Variants in PCDH9 observed in about 807,000 individuals in gnomAD.
The protein encoded by PCDH9 is protocadherin-9.
In PCDH9, 24 loss-of-function variants were observed where a neutral mutation model predicts 70.6. That is an observed-to-expected ratio of 0.34 (90% confidence interval 0.25 to 0.48). The LOEUF (loss-of-function observed/expected upper bound fraction) is 0.48. Ranked by LOEUF, PCDH9 falls within the 20% of genes least tolerant of loss-of-function variation. The probability of loss-of-function intolerance (pLI) is 0.99; values close to 1 mark genes in which losing one functional copy is unlikely to be tolerated. For missense variants in PCDH9, 1,281 were observed against 1,503.6 expected (o/e 0.85, Z 2.45); for synonymous variants, 562 against 558.5 (o/e 1.01, Z -0.09).
rs1164239967 is a variant in PCDH9 at position 67,225,695 on chromosome 13, C to T, written c.2746G>A (p.Gly916Arg). Reference protein sequence around the residue: ...LPAELEEQSIGRFDWGPAPPT... With the variant: ...LPAELEEQSIRRFDWGPAPPT... Reference sequence around the variant, plus strand: ...GGTGCCGGGCCCCAGTCAAATCTTCCTATACTTTGCTCCTCCAGTTCAGCC... The same window carrying T: ...GGTGCCGGGCCCCAGTCAAATCTTCTTATACTTTGCTCCTCCAGTTCAGCC... Residue 916 changes from glycine (G) to arginine (R), a missense_variant, in exon 2 of 5, where the codon GGA becomes AGA. Around this residue, in one of 4 missense-constraint regions of PCDH9, gnomAD observed 207 missense variants for 191.8 expected, o/e 1.08. Transcript: ENST00000377865. The T allele has an allele frequency of 1.2e-6, 2 of 1,614,190 alleles. No individual in the cohort carries two copies. The highest frequency in any genetic ancestry group is 1.7e-6 in the Non-Finnish European group (2 of 1,180,028).
intron 3 of PCDH9, among the ~76,000 whole-genome samples, chr13:66,665,954 A>T (rs945334593): frequency 6.6e-6 from 1 of 152,180 alleles, no homozygotes; most frequent in Non-Finnish European, 1.5e-5. Context: ...GCCTCAAATA[A>T]TCAAGCCAAA....
intron 3 of PCDH9, among the ~76,000 whole-genome samples, chr13:66,776,613 C>A (rs571453423): frequency 1.9e-4 from 29 of 152,240 alleles, no homozygotes; most frequent in African/African-American, 6.7e-4. Context: ...TAAACCACTG[C>A]TCAATGATAT....
At chr13:66,784,594 A>C (rs777683591) in intron 3 of PCDH9, among the ~76,000 whole-genome samples, 1 of 152,164 alleles carries the variant, frequency 6.6e-6, no homozygotes. Flanking sequence ...TCTATTCCTT[A>C]CTGACAGAGT....
chr13:67,170,697 G>A (rs1046918291), intron 2 of PCDH9, among the ~76,000 whole-genome samples: 5 of 152,114 alleles, frequency 3.3e-5, no homozygotes, highest in South Asian at 2.1e-4. Context: ...GGTCGAGGCC[G>A]GCGGAATGCT....
At chr13:67,167,520 C>T (rs2088152785) in intron 2 of PCDH9, among the ~76,000 whole-genome samples, 1 of 152,006 alleles carries the variant, frequency 6.6e-6, no homozygotes. Context: ...TTTCCTTAAC[C>T]ATAGAAAAGC....
chr13:66,856,996 A>G (rs2081405749), intron 3 of PCDH9, among the ~76,000 whole-genome samples: 1 of 152,116 alleles, frequency 6.6e-6, no homozygotes. Context: ...AGTATAAGGA[A>G]TCTGTCAGTC....
At chr13:66,828,487 A>G (rs1042230247) in intron 3 of PCDH9, among the ~76,000 whole-genome samples, 11 of 152,162 alleles carry the variant, frequency 7.2e-5, no homozygotes, top group African/African-American at 2.7e-4. Context: ...TAATTGTGTC[A>G]CTTAATTGAC....
At chr13:66,969,655 C>A (rs2083485606) in intron 2 of PCDH9, among the ~76,000 whole-genome samples, 1 of 151,968 alleles carries the variant, frequency 6.6e-6, no homozygotes, top group East Asian at 1.9e-4. Flanking sequence ...TCACTTTATA[C>A]TATTTGTTAC....
In PCDH9 at chr13:66,933,584, C is replaced by A. The variant is rs943117607; in HGVS notation, c.3037-29979G>T. 3.0e-4 allele frequency among the ~76,000 whole-genome samples: 45 copies of A among 152,088 alleles called. 1 individual carries two copies. Among genetic ancestry groups the A allele is most frequent in the Non-Finnish European group, 3.2e-4 (22 of 67,990 alleles). On this transcript the variant is annotated intron_variant, in intron 2 of 4. Coordinates refer to ENST00000377865, the MANE Select transcript of PCDH9 (RefSeq NM_203487.3). Reference sequence around the variant, plus strand: ...TAAGAATGTCCTAGTTGGTTCATAGCTTAGATTTATAAAAGTACCTTAGTC... The same window carrying A: ...TAAGAATGTCCTAGTTGGTTCATAGATTAGATTTATAAAAGTACCTTAGTC...
chr13:66,687,061 C>A (rs2078413945), intron 3 of PCDH9, among the ~76,000 whole-genome samples: 1 of 152,028 alleles, frequency 6.6e-6, no homozygotes, highest in Admixed American at 6.6e-5. Context: ...GCAAAGTAAA[C>A]TACAAGTGAC....
chr13:67,215,224 A>G (rs183555940), intron 2 of PCDH9: 2 of 151,928 alleles, frequency 1.3e-5, no homozygotes, highest in Admixed American at 6.6e-5. Context: ...ATGTGTAACT[A>G]TTCTATAAGT....
intron 2 of PCDH9, among the ~76,000 whole-genome samples, chr13:67,052,162 G>C (rs1320399811): frequency 1.3e-5 from 2 of 152,070 alleles, no homozygotes; most frequent in Non-Finnish European, 2.9e-5. Context: ...AACTCTGGGA[G>C]ATATCAATAA....
At chr13:67,133,566 C>A (rs1275060912) in intron 2 of PCDH9, among the ~76,000 whole-genome samples, 1 of 152,040 alleles carries the variant, frequency 6.6e-6, no homozygotes, top group African/African-American at 2.4e-5. Context: ...GAGAAAAAGA[C>A]AACCTCTTTT....
chr13:66,344,531 A>C (rs1050971929), intron 4 of PCDH9, among the ~76,000 whole-genome samples: 19 of 152,330 alleles, frequency 1.2e-4, no homozygotes, highest in African/African-American at 4.1e-4. Context: ...ATATTGGATA[A>C]TGAAAAAGTA....
At chr13:66,610,817 T>C (rs2077285387) in intron 4 of PCDH9, among the ~76,000 whole-genome samples, 1 of 152,186 alleles carries the variant, frequency 6.6e-6, no homozygotes, top group Non-Finnish European at 1.5e-5. Context: ...GAAGCACCAC[T>C]CCTCCTGTGA....
chr13:66,713,621 GTGTGTATATATA>G (rs2078825453), intron 3 of PCDH9, among the ~76,000 whole-genome samples: 1 of 16,886 alleles, frequency 5.9e-5, no homozygotes, highest in South Asian at 3.1e-3. Flanking sequence ...AAGTGTGTGT[GTGTGTATATATA>G]TATATATATA....
intron 4 of PCDH9, among the ~76,000 whole-genome samples, chr13:66,370,771 C>G (rs1593871334): frequency 1.3e-5 from 2 of 152,032 alleles, no homozygotes; most frequent in Non-Finnish European, 2.9e-5. Context: ...GCCTCAGACT[C>G]CCAACATGCT....
At chr13:66,985,885 A>G (rs1490553589) in intron 2 of PCDH9, 1 of 152,096 alleles carries the variant, frequency 6.6e-6, no homozygotes, top group African/African-American at 2.4e-5. Flanking sequence ...GAAAAATGAC[A>G]GTCAATCCTA....
chr13:66,618,119 C>T (rs1245299778), intron 4 of PCDH9, among the ~76,000 whole-genome samples: 1 of 152,176 alleles, frequency 6.6e-6, no homozygotes. Flanking sequence ...CTACTCTGGC[C>T]TAGTGAGAGT....
Sources: gnomAD v4.1 joint callset for allele counts (sites outside exome capture counted in the v4.1 genomes callset) on GRCh38, gnomAD v4.1.1 for gene constraint, gnomAD v4.1.1 regional missense constraint, MANE v1.5 for transcripts, NCBI Gene and HGNC (gene_info 2026-07-23, HGNC 2026-07-21) for gene names.